TBC1D14: variants seen among roughly 807,000 people sequenced by gnomAD.
TBC1D14 encodes TBC1 domain family member 14.
TBC1D14 carries 26 observed loss-of-function variants against 79.0 expected under a neutral mutation model. The observed-to-expected ratio is 0.33, with a 90% CI of 0.24 to 0.46. TBC1D14 has a LOEUF of 0.46. Ranked by LOEUF, TBC1D14 falls within the 20% of genes least tolerant of loss-of-function variation. The pLI, the probability that TBC1D14 is intolerant of heterozygous loss-of-function variation, is 1.00. For synonymous variants in TBC1D14, 394 were observed against 349.9 expected, an observed-to-expected ratio of 1.13 and a Z score of -1.40; for missense variants, 769 against 887.6, an observed-to-expected ratio of 0.87 and a Z score of 1.70.
chr4:7,016,974 C>A (rs1721350843), intron 12 of TBC1D14, among the ~76,000 whole-genome samples: 1 of 152,202 alleles, frequency 6.6e-6, no homozygotes, highest in Admixed American at 6.5e-5. Context: ...CCTCTCCAAG[C>A]CCAGTGTAAC....
chr4:6,988,085 G>A (rs1485063431), intron 3 of TBC1D14, among the ~76,000 whole-genome samples: 1 of 152,158 alleles, frequency 6.6e-6, no homozygotes, highest in Non-Finnish European at 1.5e-5. Flanking sequence ...TTGGAAGGTG[G>A]GACCTTTCTA....
rs1724078700 is a variant in TBC1D14 at position 6,924,061 on chromosome 4, G to A, written c.672G>A (p.Glu224=). ...LHQQDCVHEA[E]EGSKLKILGP... is the part of the protein sequence containing the mutation. Reference sequence around the variant, plus strand: ...AGCAGGACTGTGTTCATGAAGCTGAGGAGGGGAGTAAATTGAAAATATTGG... The same window carrying A: ...AGCAGGACTGTGTTCATGAAGCTGAAGAGGGGAGTAAATTGAAAATATTGG... Residue 224 remains glutamate, a synonymous_variant, in exon 2 of 14, where the codon GAG becomes GAA. Coordinates refer to ENST00000409757, the MANE Select transcript of TBC1D14 (RefSeq NM_020773.3). 6.2e-7 allele frequency: 1 copy of A among 1,613,850 alleles called. No homozygotes were observed. The highest frequency in any genetic ancestry group is 1.7e-5 in the Admixed American group (1 of 59,994).
At chr4:6,996,463 C>T (rs1719053751) in intron 5 of TBC1D14, 56 bp downstream of exon 5, 1 of 1,354,932 alleles carries the variant, frequency 7.4e-7, no homozygotes, top group Non-Finnish European at 1.0e-6. Flanking sequence ...TTGTGTCTTT[C>T]TGGTTATTTT....
intron 3 of TBC1D14, among the ~76,000 whole-genome samples, chr4:6,992,576 A>G (rs1718615159): frequency 6.6e-6 from 1 of 152,244 alleles, no homozygotes; most frequent in Non-Finnish European, 1.5e-5. Flanking sequence ...TGGCCTTGGC[A>G]TACAGTTCAC....
chr4:6,987,481 TTGTGCGGG>T lies in TBC1D14; in HGVS notation c.844-6696_844-6689del, dbSNP rs112905348. The T allele has an allele frequency of 3.6e-4, 315 of 878,974 alleles. No individual in the cohort carries two copies. The African/African-American group carries it at 4.4e-3, about 12-fold the overall frequency. 54.4% of individuals were successfully genotyped at this position (878,974 alleles called of 1,614,324 possible). On this transcript the variant is annotated intron_variant, in intron 3 of 13. Coordinates refer to ENST00000409757, the MANE Select transcript of TBC1D14 (RefSeq NM_020773.3). ...AGGGTGCGAGTGTGCATGTGTGCGGTTGTGCGGGTGTGCGAGCATCACGTGTATCTGTC... is the reference window on the plus strand; with the variant it reads ...AGGGTGCGAGTGTGCATGTGTGCGGTTGTGCGAGCATCACGTGTATCTGTC...
rs192839857 is a variant in TBC1D14 at position 7,006,493 on chromosome 4, C to T, written c.1352-139C>T. On this transcript the variant is annotated intron_variant, in intron 8 of 13. Transcript: ENST00000409757. ...CTGTTAAATACTCTGAAGCTGCACT[C>T]TGAGTCAAGATGTGATTAGGTCAGT... The T allele has an allele frequency of 5.0e-6, 3 of 606,042 alleles. No individual in the cohort carries two copies. The Admixed American group carries it at 9.5e-5, about 19-fold the overall frequency. The allele number at this position is 606,042 out of a possible 1,614,324, so 37.5% of individuals were successfully genotyped here.
At position 6,923,818 on chromosome 4, in the gene TBC1D14, G is replaced by A. The variant is rs142871950; in HGVS notation, c.429G>A (p.Pro143=). The A allele has an allele frequency of 2.7e-4, 433 of 1,614,134 alleles. 2 individuals carry two copies. In the African/African-American group the frequency reaches 4.8e-3, roughly 18 times the overall value. The stretch of plus-strand genomic sequence containing the variant: ...ATGACTCGGTAAAGCTCTATAGCCC[G>A]ACCTCCAAAGCCCTGACCCGCAGCG... ...TGYDSVKLYS[P]TSKALTRSDD... is the part of the protein sequence containing the mutation. Residue 143 remains proline (P), a synonymous_variant, in exon 2 of 14, where the codon CCG becomes CCA. Coordinates refer to ENST00000409757, the MANE Select transcript of TBC1D14 (RefSeq NM_020773.3).
intron 1 of TBC1D14, among the ~76,000 whole-genome samples, chr4:6,911,036 C>T (rs1025760582): frequency 1.3e-5 from 2 of 152,132 alleles, no homozygotes; most frequent in African/African-American, 4.8e-5. Flanking sequence ...GGTGGGTTGC[C>T]TGTTGGAAAC....
At chr4:6,953,544 T>C (rs1235798293) in intron 2 of TBC1D14, among the ~76,000 whole-genome samples, 10 of 135,118 alleles carry the variant, frequency 7.4e-5, no homozygotes, top group Non-Finnish European at 1.1e-4. Flanking sequence ...GGCAGGAGAA[T>C]GGCGTGAACC....
Position 6,923,976 on chromosome 4 carries a change from A to T in TBC1D14, c.587A>T (p.Asp196Val). 6.2e-7 allele frequency: 1 copy of T among 1,614,138 alleles called. No individual in the cohort carries two copies. Among genetic ancestry groups the T allele is most frequent in the Non-Finnish European group, 8.5e-7 (1 of 1,180,036 alleles). ...SSAIVTLEND[D>V]DPQFTNVTLS... is the part of the protein sequence containing the mutation. ...GCCATTGTGACCCTGGAGAATGACG[A>T]TGACCCACAGTTTACCAACGTCACC... Residue 196 changes from aspartate (D) to valine (V), a missense_variant, in exon 2 of 14, where the codon GAT becomes GTT. Asp to Val is a radical substitution (Grantham distance 152, BLOSUM62 -3). Transcript: ENST00000409757.
chr4:6,925,074 C>T (rs1213974260), intron 2 of TBC1D14, among the ~76,000 whole-genome samples: 1 of 152,084 alleles, frequency 6.6e-6, no homozygotes, highest in Non-Finnish European at 1.5e-5. Flanking sequence ...GGGTGGAGCA[C>T]CTGAGGTCCG....
chr4:6,944,001 G>A (rs964982160), intron 2 of TBC1D14, among the ~76,000 whole-genome samples: 12 of 150,492 alleles, frequency 8.0e-5, no homozygotes, highest in South Asian at 4.3e-4. Flanking sequence ...ACCCATCTGC[G>A]GTGTCTGTGA....
At chr4:7,011,044 C>A (rs1453596609) in intron 11 of TBC1D14, among the ~76,000 whole-genome samples, 1 of 152,142 alleles carries the variant, frequency 6.6e-6, no homozygotes, top group Non-Finnish European at 1.5e-5. Flanking sequence ...AAAATGTATT[C>A]TTTTAATGAA....
At chr4:6,987,092 G>GCCCGCCCCTCGCCGCTCATCAGC in intron 3 of TBC1D14, 2 of 654,760 alleles carry the variant, frequency 3.1e-6, no homozygotes, top group Non-Finnish European at 3.8e-6. Context: ...CGCCCCTTGT[G>GCCCGCCCCTCGCCGCTCATCAGC]CCCGCCCCTC....
At chr4:6,964,805 A>T (rs1406410307) in intron 2 of TBC1D14, among the ~76,000 whole-genome samples, 1 of 152,190 alleles carries the variant, frequency 6.6e-6, no homozygotes, top group African/African-American at 2.4e-5. Flanking sequence ...TTTTTTTGAA[A>T]GTTTCTGTAA....
intron 2 of TBC1D14, among the ~76,000 whole-genome samples, chr4:6,957,560 TCTC>T (rs1444504001): frequency 1.3e-5 from 2 of 152,226 alleles, no homozygotes; most frequent in African/African-American, 2.4e-5. Context: ...TGCCTACTGG[TCTC>T]CTCTGGTCTT....
intron 2 of TBC1D14, among the ~76,000 whole-genome samples, chr4:6,931,096 T>G (rs966846989): frequency 1.3e-5 from 2 of 152,034 alleles, no homozygotes; most frequent in Admixed American, 1.3e-4. Flanking sequence ...AGACAGGGTT[T>G]CTCTATGTTA....
rs1553862000 is a variant in TBC1D14, at chr4:6,968,673, C to CAGGAGGAGGCTGACTGCT, written c.843+1249_843+1250insAGGAGGAGGCTGACTGCT. On this transcript the variant is annotated intron_variant, in intron 3 of 13. Coordinates refer to ENST00000409757, the MANE Select transcript of TBC1D14 (RefSeq NM_020773.3). ...CAGCTGAGCCCAGGAGGCTGACCGC[C>CAGGAGGAGGCTGACTGCT]GGGAGGAGGCTGACCGCCGAGAGGA... Among the ~76,000 whole-genome samples, 7 of 51,314 alleles carry CAGGAGGAGGCTGACTGCT rather than the reference C, an allele frequency of 1.4e-4. No individual in the cohort carries two copies. In the East Asian group the frequency reaches 7.3e-3, roughly 54 times the overall value. The allele number at this position is 51,314 out of a possible 152,430, so 33.7% of individuals were successfully genotyped here.
chr4:6,999,000 T>G lies in TBC1D14; in HGVS notation c.1046-85T>G, dbSNP rs571730537. 1.2e-5 allele frequency: 17 copies of G among 1,361,224 alleles called. No individual in the cohort carries two copies. The East Asian group carries it at 3.8e-4, about 30-fold the overall frequency. 84.3% of individuals were successfully genotyped at this position (1,361,224 alleles called of 1,614,324 possible). A position where few individuals can be genotyped will look rare whatever the true frequency, so the allele number is the denominator to read the frequency against. ...CTTCAGGGCGGTTTTCCTGGTGTGTTCGCAGTGTGACAGGAAAATCACCTT... is the reference window on the plus strand; with the variant it reads ...CTTCAGGGCGGTTTTCCTGGTGTGTGCGCAGTGTGACAGGAAAATCACCTT... On this transcript the variant is annotated intron_variant, in intron 5 of 13. Coordinates refer to ENST00000409757, the MANE Select transcript of TBC1D14 (RefSeq NM_020773.3).
Sources: allele counts gnomAD v4.1 joint callset (sites outside exome capture counted in the v4.1 genomes callset), GRCh38; gene constraint gnomAD v4.1.1; transcripts MANE v1.5; gene names NCBI Gene and HGNC (gene_info 2026-07-23, HGNC 2026-07-21).